The following ANKS1B variants were observed in gnomAD, a reference collection of about 807,000 sequenced individuals.
ANKS1B encodes the protein ankyrin repeat and sterile alpha motif domain-containing protein 1B.
A neutral mutation model predicts 148.3 loss-of-function variants in ANKS1B; 36 were observed. That is an observed-to-expected ratio of 0.24 (90% CI 0.19 to 0.32). ANKS1B has a LOEUF of 0.32. Among genes scored for constraint, ANKS1B ranks in the 10% least tolerant of loss-of-function variants. ANKS1B has a pLI of 1.00. For synonymous variants in ANKS1B, 542 were observed against 560.8 expected (o/e 0.97, Z 0.47); for missense variants, 1,157 against 1,542.6 (o/e 0.75, Z 4.19).
intron 19 of ANKS1B, among the ~76,000 whole-genome samples, chr12:98,825,406 A>G (rs1266860983): frequency 6.6e-6 from 1 of 151,998 alleles, no homozygotes; most frequent in African/African-American, 2.4e-5. Context: ...TAATTTAGAA[A>G]AAGTGTCTTT....
chr12:99,965,998 C>T (rs2095479940), intron 1 of ANKS1B, among the ~76,000 whole-genome samples: 1 of 152,106 alleles, frequency 6.6e-6, no homozygotes, highest in African/African-American at 2.4e-5. Flanking sequence ...AAGTGAGGGA[C>T]ATCTTATAAA....
intron 9 of ANKS1B, among the ~76,000 whole-genome samples, chr12:99,605,799 T>TGTGCA (rs1447007421): frequency 1.3e-5 from 2 of 152,086 alleles, no homozygotes; most frequent in Non-Finnish European, 2.9e-5. Flanking sequence ...TAAGCACAAG[T>TGTGCA]GTGCAGTTAT....
chr12:99,821,214 T>C (rs827798), intron 2 of ANKS1B, among the ~76,000 whole-genome samples: 148,038 of 152,046 alleles, frequency 0.97, 72,085 homozygotes, highest in East Asian at 1. Context: ...AAGTAAATGG[T>C]TCAAGGTCAC....
rs535283842 is a variant in ANKS1B at position 99,506,611 on chromosome 12, G to C, written c.1273-1970C>G. On this transcript the variant is annotated intron_variant, in intron 9 of 26. Coordinates refer to ENST00000683438, the MANE Select transcript of ANKS1B (RefSeq NM_001352186.2). ...AATAGTTTTCTCAATGATTTGAAAG[G>C]CTATCCCTCATCAACTATCCCACAA... 1.1e-4 allele frequency among the ~76,000 whole-genome samples: 17 copies of C among 152,054 alleles called. No individual in the cohort carries two copies. The East Asian group carries it at 2.5e-3, about 23-fold the overall frequency.
intron 16 of ANKS1B, among the ~76,000 whole-genome samples, chr12:99,072,095 A>G (rs2046463543): frequency 6.6e-6 from 1 of 152,176 alleles, no homozygotes. Context: ...CCAGTTTCTT[A>G]TCTAGAAAAT....
intron 10 of ANKS1B, among the ~76,000 whole-genome samples, chr12:99,500,254 T>A (rs1192713733): frequency 6.6e-6 from 1 of 152,078 alleles, no homozygotes; most frequent in Non-Finnish European, 1.5e-5. Context: ...CCCTGCAGAT[T>A]TCCAGCCTCC....
At chr12:99,830,995 T>C in intron 1 of ANKS1B, among the ~76,000 whole-genome samples, 1 of 152,172 alleles carries the variant, frequency 6.6e-6, no homozygotes, top group East Asian at 1.9e-4. Flanking sequence ...AATAGCACCC[T>C]ATCATCATTC....
intron 17 of ANKS1B, among the ~76,000 whole-genome samples, chr12:98,868,710 T>C (rs937383675): frequency 9.2e-5 from 14 of 152,314 alleles, no homozygotes; most frequent in African/African-American, 3.4e-4. Context: ...CTAACACACT[T>C]AGCATGAGAC....
At chr12:99,247,707 T>C (rs557353109) in intron 12 of ANKS1B, among the ~76,000 whole-genome samples, 1 of 152,342 alleles carries the variant, frequency 6.6e-6, no homozygotes, top group East Asian at 1.9e-4. Flanking sequence ...CACCATGCTT[T>C]TTGCGACTTA....
intron 15 of ANKS1B, among the ~76,000 whole-genome samples, chr12:99,121,970 G>T (rs1023738122): frequency 2.0e-5 from 3 of 152,126 alleles, no homozygotes; most frequent in Non-Finnish European, 4.4e-5. Context: ...CCTAGCAAAA[G>T]CACTCTGGAT....
chr12:99,453,523 C>G (rs1206134746), intron 10 of ANKS1B, among the ~76,000 whole-genome samples: 1 of 152,104 alleles, frequency 6.6e-6, no homozygotes, highest in Middle Eastern at 3.2e-3. Flanking sequence ...TTGTTAACAG[C>G]CACGAGTTAG....
intron 19 of ANKS1B, among the ~76,000 whole-genome samples, chr12:98,816,944 C>T (rs1009199105): frequency 1.3e-5 from 2 of 151,734 alleles, no homozygotes; most frequent in Non-Finnish European, 2.9e-5. Context: ...TGAATAGAGC[C>T]CTCCAGTCAG....
chr12:99,826,182 T>C (rs1437209881), intron 1 of ANKS1B, among the ~76,000 whole-genome samples: 1 of 152,192 alleles, frequency 6.6e-6, no homozygotes, highest in Admixed American at 6.5e-5. Context: ...TCACAAAACA[T>C]TTATTGTACA....
intron 17 of ANKS1B, among the ~76,000 whole-genome samples, chr12:98,914,328 T>C (rs1186039506): frequency 2.0e-5 from 3 of 152,144 alleles, no homozygotes; most frequent in African/African-American, 7.2e-5. Context: ...CTATAAAGCC[T>C]GCTGAACCAT....
chr12:99,512,193 T>C (rs764036652), intron 9 of ANKS1B, among the ~76,000 whole-genome samples: 1 of 151,662 alleles, frequency 6.6e-6, no homozygotes, highest in Non-Finnish European at 1.5e-5. Flanking sequence ...CCAGAATCTA[T>C]AAGGAAGTTA....
intron 12 of ANKS1B, among the ~76,000 whole-genome samples, chr12:99,259,323 T>G (rs530450792): frequency 1.3e-5 from 2 of 152,354 alleles, no homozygotes; most frequent in African/African-American, 4.8e-5. Flanking sequence ...TGGTGTTAGA[T>G]AGAGCATGTA....
At chr12:99,864,500 A>T (rs2090477992) in intron 1 of ANKS1B, among the ~76,000 whole-genome samples, 1 of 152,148 alleles carries the variant, frequency 6.6e-6, no homozygotes, top group East Asian at 1.9e-4. Context: ...CTTTATTCAC[A>T]CTAATCTTCC....
intron 12 of ANKS1B, among the ~76,000 whole-genome samples, chr12:99,365,392 G>A (rs1286686223): frequency 2.0e-5 from 3 of 152,198 alleles, no homozygotes; most frequent in African/African-American, 4.8e-5. Flanking sequence ...AAGAAATACT[G>A]TGGTAGCCAG....
Position 99,075,717 on chromosome 12 carries a change from TTG to T in ANKS1B, c.2625+9206_2625+9207del, listed in dbSNP as rs533204724. Among the ~76,000 whole-genome samples, 120 of 151,326 alleles carry T rather than the reference TTG, an allele frequency of 7.9e-4. 1 individual carries two copies. The highest frequency in any genetic ancestry group is 2.9e-3 in the African/African-American group (118 of 41,378). Reference sequence around the variant, plus strand: ...TCCTCCTGAGTATATTATCAGCATCTTGTGTCTTTTAATGACATTTGTCTATT... The same window carrying T: ...TCCTCCTGAGTATATTATCAGCATCTTGTCTTTTAATGACATTTGTCTATT... On this transcript the variant is annotated intron_variant, in intron 16 of 26. Coordinates refer to ENST00000683438, the MANE Select transcript of ANKS1B (RefSeq NM_001352186.2).
Sources: allele counts gnomAD v4.1 joint callset (sites outside exome capture counted in the v4.1 genomes callset), GRCh38; gene constraint gnomAD v4.1.1; transcripts MANE v1.5; gene names NCBI Gene and HGNC (gene_info 2026-07-23, HGNC 2026-07-21).